The following PILRA variants were observed in gnomAD, a reference collection of about 807,000 sequenced individuals.
PILRA encodes the protein paired immunoglobulin-like type 2 receptor alpha.
PILRA carries 37 observed loss-of-function variants against 33.1 expected under a neutral mutation model. That is an observed-to-expected ratio of 1.12 (90% CI 0.86 to 1.47). PILRA has a LOEUF of 1.47. Ranked by LOEUF, PILRA falls within the 40% of genes most tolerant of loss-of-function variation. The pLI, the probability that PILRA is intolerant of heterozygous loss-of-function variation, is 0.00. For synonymous variants in PILRA, 146 were observed against 149.9 expected, an observed-to-expected ratio of 0.97 and a Z score of 0.19; for missense variants, 312 against 376.2, an observed-to-expected ratio of 0.83 and a Z score of 1.41.
At position 100,399,304 on chromosome 7, in the gene PILRA, AAC is replaced by A. The variant is rs1416564522; in HGVS notation, c.725_726del (p.Thr242ArgfsTer5). ...ATTPAREPFQ[N>X]TEEPYENIRN... ...GTTCCCATACAGGGAACCCTTCCAAAACACAGAGGAGCCATATGAGAATATCA... is the reference window on the plus strand; with the variant it reads ...GTTCCCATACAGGGAACCCTTCCAAAACAGAGGAGCCATATGAGAATATCA... On this transcript the variant is annotated frameshift_variant, in exon 5 of 7. Coordinates refer to ENST00000198536, the MANE Select transcript of PILRA (RefSeq NM_013439.3). LOFTEE classifies it high-confidence loss of function. 2 of 1,612,584 alleles carry A rather than the reference AAC, an allele frequency of 1.2e-6. No homozygotes were observed. The highest frequency in any genetic ancestry group is 2.2e-5 in the South Asian group (2 of 90,992).
intron 1 of PILRA, 70 bp downstream of exon 1, chr7:100,373,790 TG>T: frequency 1.3e-6 from 2 of 1,582,424 alleles, no homozygotes; most frequent in Non-Finnish European, 1.7e-6. Flanking sequence ...GAGACAAAGG[TG>T]GGACATCTTG....
chr7:100,387,174 G>A (rs1296038091), intron 2 of PILRA, among the ~76,000 whole-genome samples: 6 of 152,250 alleles, frequency 3.9e-5, no homozygotes, highest in African/African-American at 9.6e-5. Flanking sequence ...CAAACTTAGC[G>A]TTCTAATAAT....
chr7:100,382,638 G>A (rs1791135952), intron 2 of PILRA, among the ~76,000 whole-genome samples: 1 of 152,194 alleles, frequency 6.6e-6, no homozygotes, highest in South Asian at 2.1e-4. Context: ...GCCAGGTAAG[G>A]GAATAAAAGC....
intron 2 of PILRA, among the ~76,000 whole-genome samples, chr7:100,388,672 G>GGAGGC (rs1408643125): frequency 6.6e-6 from 1 of 150,754 alleles, no homozygotes; most frequent in Non-Finnish European, 1.5e-5. Flanking sequence ...CTTGAACTTG[G>GGAGGC]GAGGCGGAGG....
intron 2 of PILRA, chr7:100,374,748 C>T: frequency 2.4e-6 from 1 of 422,952 alleles, no homozygotes; most frequent in South Asian, 2.1e-5. Context: ...GAGGCTCCAG[C>T]CTGGCCTCTC....
At chr7:100,394,986 C>T (rs1301899881) in intron 3 of PILRA, among the ~76,000 whole-genome samples, 1 of 152,138 alleles carries the variant, frequency 6.6e-6, no homozygotes, top group African/African-American at 2.4e-5. Context: ...TAAACTTAAA[C>T]ATGTTTTTTC....
chr7:100,390,133 C>T, intron 3 of PILRA, 27 bp downstream of exon 3: 1 of 1,591,878 alleles, frequency 6.3e-7, no homozygotes, highest in Non-Finnish European at 8.6e-7. Context: ...CGCCCTCTCC[C>T]CAAGCCTCCC....
rs73711113 is a variant in PILRA at position 100,399,543 on chromosome 7, G to A, written c.758-38G>A. ...CCCATCTCTCTCCCCTGGCTGTCAC[G>A]CCACCTGACCTTGGCACACCTTGCT... On this transcript the variant is annotated intron_variant, in intron 5 of 6. Coordinates refer to ENST00000198536, the MANE Select transcript of PILRA (RefSeq NM_013439.3). 4,891 of 1,613,292 alleles carry A rather than the reference G, an allele frequency of 3.0e-3. 154 individuals carry two copies. The African/African-American group carries it at 0.057, about 19-fold the overall frequency.
In PILRA at chr7:100,374,160, T is replaced by A. The variant is rs748865675; in HGVS notation, c.181T>A (p.Leu61Ile). The change falls in exon 2 of 7, where the codon TTA (leucine) becomes ATA (isoleucine). Residue 61 changes from leucine to isoleucine, a missense_variant. Physicochemically the swap from Leu to Ile is conservative, Grantham distance 5. Coordinates refer to ENST00000198536, the MANE Select transcript of PILRA (RefSeq NM_013439.3). ...CTTCTCCTTCTATTACCCCTGGGAG[T>A]TAGCCACAGCTCCCGACGTGAGAAT... ...IPFSFYYPWE[L>I]ATAPDVRISW... 16 of 1,613,916 alleles carry A rather than the reference T, an allele frequency of 9.9e-6. No individual in the cohort carries two copies. Among genetic ancestry groups the A allele is most frequent in the Non-Finnish European group, 1.4e-5 (16 of 1,180,018 alleles).
intron 3 of PILRA, among the ~76,000 whole-genome samples, chr7:100,391,165 C>CAATAAT (rs201101077): frequency 2.3e-4 from 33 of 141,114 alleles, no homozygotes; most frequent in African/African-American, 5.8e-4. Flanking sequence ...ATAATAATAA[C>CAATAAT]AATAATAATA....
At chr7:100,372,172 G>A (rs1234149824), upstream of PILRA, among the ~76,000 whole-genome samples, 2 of 152,178 alleles carry the variant, frequency 1.3e-5, no homozygotes, top group Non-Finnish European at 2.9e-5. Context: ...CAGTTTCCCT[G>A]TGGGTTGAAT....
intron 2 of PILRA, among the ~76,000 whole-genome samples, chr7:100,388,749 CAA>C (rs913179599): frequency 3.1e-4 from 4 of 12,862 alleles, no homozygotes; most frequent in African/African-American, 7.9e-4. Context: ...GCCTCCGTCT[CAA>C]AAAAAAAAAA....
chr7:100,396,985 T>C (rs935916858), intron 3 of PILRA, among the ~76,000 whole-genome samples: 1 of 151,874 alleles, frequency 6.6e-6, no homozygotes, highest in Non-Finnish European at 1.5e-5. Flanking sequence ...GTTTGTTTTT[T>C]TGTTTTTTTT....
At chr7:100,382,916 T>C (rs577662949) in intron 2 of PILRA, among the ~76,000 whole-genome samples, 88 of 151,976 alleles carry the variant, frequency 5.8e-4, no homozygotes, top group Non-Finnish European at 1.0e-3. Context: ...CCTTTAAGAA[T>C]TGTTAACACT....
Position 100,399,675 on chromosome 7 carries a change from G to C in PILRA, c.789+63G>C, listed in dbSNP as rs139681530. The C allele has an allele frequency of 1.3e-3, 2,034 of 1,611,874 alleles. 2 individuals are homozygous for C. Among genetic ancestry groups the C allele is most frequent in the Non-Finnish European group, 1.6e-3 (1,899 of 1,177,976 alleles). On this transcript the variant is annotated intron_variant, in intron 6 of 6. Coordinates refer to ENST00000198536, the MANE Select transcript of PILRA (RefSeq NM_013439.3). ...AAGCCTGGAGAAGGTGGGGTGGAAG[G>C]GAGAAGGGGAGTGTGGTGTGGGCAG...
At chr7:100,382,994 C>T (rs542942070) in intron 2 of PILRA, among the ~76,000 whole-genome samples, 66 of 152,286 alleles carry the variant, frequency 4.3e-4, no homozygotes, top group Middle Eastern at 6.8e-3. Flanking sequence ...ATTCTGGACA[C>T]AAATGGATCA....
chr7:100,396,946 A>C (rs570346807), intron 3 of PILRA, among the ~76,000 whole-genome samples: 2 of 151,916 alleles, frequency 1.3e-5, no homozygotes, highest in African/African-American at 4.8e-5. Context: ...TGAACTGTAC[A>C]CGTGGTTAAA....
chr7:100,382,520 A>T (rs1395470714), intron 2 of PILRA, among the ~76,000 whole-genome samples: 1 of 152,148 alleles, frequency 6.6e-6, no homozygotes, highest in Non-Finnish European at 1.5e-5. Flanking sequence ...TAGCTCAGGG[A>T]TTGTAAATGC....
At chr7:100,397,962 G>A in intron 4 of PILRA, 50 bp downstream of exon 4, 1 of 1,586,194 alleles carries the variant, frequency 6.3e-7, no homozygotes, top group East Asian at 2.2e-5. Context: ...TGTGCAGGCA[G>A]TGGGCTGATT....
Sources: allele counts gnomAD v4.1 joint callset (sites outside exome capture counted in the v4.1 genomes callset), GRCh38; gene constraint gnomAD v4.1.1; transcripts MANE v1.5; gene names NCBI Gene and HGNC (gene_info 2026-07-23, HGNC 2026-07-21).